The following NELL1 variants were observed in gnomAD, a reference collection of about 807,000 sequenced individuals.
The protein encoded by NELL1 is protein kinase C-binding protein NELL1.
In NELL1, 76 loss-of-function variants were observed where a neutral mutation model predicts 107.4. That is an observed-to-expected ratio of 0.71 (90% confidence interval 0.59 to 0.86). The LOEUF (loss-of-function observed/expected upper bound fraction) is 0.86, where lower values mean the gene tolerates loss of function less well. Ranked by LOEUF, NELL1 falls within the 40% of genes least tolerant of loss-of-function variation. The pLI is 0.00. For synonymous variants in NELL1, 353 were observed against 341.2 expected, an observed-to-expected ratio of 1.03 and a Z score of -0.38; for missense variants, 1,024 against 1,005.5, an observed-to-expected ratio of 1.02 and a Z score of -0.25.
chr11:20,802,513 C>A (rs868599407), intron 3 of NELL1, among the ~76,000 whole-genome samples: 1 of 151,548 alleles, frequency 6.6e-6, no homozygotes, highest in Non-Finnish European at 1.5e-5. Context: ...CATCTGTAAA[C>A]AAGGATAATT....
intron 13 of NELL1, among the ~76,000 whole-genome samples, chr11:21,151,658 A>T (rs1856120759): frequency 6.6e-6 from 1 of 152,214 alleles, no homozygotes; most frequent in African/African-American, 2.4e-5. Flanking sequence ...TAATGCATAT[A>T]AAATATCTTA....
rs779053403 is a variant in NELL1, at chr11:21,229,297, A to C, written c.1427-35A>C. On this transcript the variant is annotated intron_variant, in intron 13 of 19. Transcript: ENST00000357134. ...AATACCAGTAATTCCAACTTAAGAA[A>C]AAGTATTTCTCTTTTTCTCTCACCC... 5.6e-6 allele frequency: 9 copies of C among 1,612,018 alleles called. No homozygotes were observed. The South Asian group carries it at 8.8e-5, about 16-fold the overall frequency.
At chr11:21,403,619 AAAT>A (rs1217733360) in intron 15 of NELL1, among the ~76,000 whole-genome samples, 1 of 151,694 alleles carries the variant, frequency 6.6e-6, no homozygotes, top group Non-Finnish European at 1.5e-5. Context: ...AAAAAAAAAA[AAAT>A]GTGCCTTTAA....
At chr11:20,912,010 C>T (rs1850143173) in intron 5 of NELL1, among the ~76,000 whole-genome samples, 2 of 152,190 alleles carry the variant, frequency 1.3e-5, no homozygotes, top group African/African-American at 4.8e-5. Flanking sequence ...CATGCTGCCT[C>T]ATGGATTCAA....
At chr11:21,029,232 G>A (rs1378323867) in intron 12 of NELL1, among the ~76,000 whole-genome samples, 5 of 152,132 alleles carry the variant, frequency 3.3e-5, no homozygotes, top group Admixed American at 6.5e-5. Flanking sequence ...ACAGAAGTAT[G>A]GAGTTCTTCT....
intron 15 of NELL1, among the ~76,000 whole-genome samples, chr11:21,391,860 C>T (rs1362719082): frequency 2.0e-5 from 3 of 151,716 alleles, no homozygotes; most frequent in African/African-American, 7.2e-5. Flanking sequence ...TTTCAGAGTG[C>T]CACTTATGAA....
intron 13 of NELL1, among the ~76,000 whole-genome samples, chr11:21,139,125 A>G (rs904299161): frequency 1.3e-5 from 2 of 152,168 alleles, no homozygotes; most frequent in African/African-American, 2.4e-5. Context: ...GGTCCATCTT[A>G]CTTCTGCCAC....
chr11:21,140,992 T>A (rs1855853725), intron 13 of NELL1, among the ~76,000 whole-genome samples: 1 of 152,182 alleles, frequency 6.6e-6, no homozygotes, highest in African/African-American at 2.4e-5. Flanking sequence ...TTATAGACCC[T>A]GCAAAGTAGT....
chr11:21,146,422 G>T (rs1855979877), intron 13 of NELL1, among the ~76,000 whole-genome samples: 1 of 152,180 alleles, frequency 6.6e-6, no homozygotes, highest in African/African-American at 2.4e-5. Context: ...CCAGAGGCCA[G>T]AGAGAGCCGG....
intron 15 of NELL1, among the ~76,000 whole-genome samples, chr11:21,385,951 T>C (rs902205624): frequency 6.6e-6 from 1 of 151,914 alleles, no homozygotes; most frequent in Non-Finnish European, 1.5e-5. Flanking sequence ...CCCCATCTTT[T>C]CCTATTTTCT....
intron 14 of NELL1, among the ~76,000 whole-genome samples, chr11:21,241,370 A>C (rs1001140450): frequency 7.2e-5 from 11 of 152,150 alleles, no homozygotes; most frequent in Non-Finnish European, 1.6e-4. Flanking sequence ...TTTGCCTTAA[A>C]TAGAGCCAAA....
intron 14 of NELL1, among the ~76,000 whole-genome samples, chr11:21,296,184 G>A (rs1849371476): frequency 6.6e-6 from 1 of 151,596 alleles, no homozygotes; most frequent in Non-Finnish European, 1.5e-5. Context: ...CATAATACCG[G>A]GTATTATCCC....
At chr11:20,797,392 G>C (rs188201754) in intron 3 of NELL1, among the ~76,000 whole-genome samples, 1 of 151,866 alleles carries the variant, frequency 6.6e-6, no homozygotes, top group Non-Finnish European at 1.5e-5. Context: ...GTGAAATCCA[G>C]TCTCTACTAA....
At chr11:21,299,523 G>A (rs995312935) in intron 14 of NELL1, among the ~76,000 whole-genome samples, 3 of 74,468 alleles carry the variant, frequency 4.0e-5, no homozygotes, top group African/African-American at 6.7e-5. Context: ...GTGTGTGTGT[G>A]TGTGTGTGTG....
chr11:20,871,282 C>G (rs1849191317), intron 4 of NELL1, among the ~76,000 whole-genome samples: 1 of 152,126 alleles, frequency 6.6e-6, no homozygotes, highest in Admixed American at 6.5e-5. Flanking sequence ...GGCCCAAAGC[C>G]AGGCAAAGAG....
chr11:20,981,976 CTCTCTT>C (rs1851760271), intron 12 of NELL1, among the ~76,000 whole-genome samples: 2 of 151,974 alleles, frequency 1.3e-5, no homozygotes, highest in East Asian at 1.9e-4. Context: ...CTCTCTCTCT[CTCTCTT>C]TCTCTCTCTT....
At chr11:21,450,604 T>C (rs1853553321) in intron 15 of NELL1, among the ~76,000 whole-genome samples, 1 of 152,160 alleles carries the variant, frequency 6.6e-6, no homozygotes, top group South Asian at 2.1e-4. Flanking sequence ...ATAGAAAATA[T>C]ACTGTTGCAC....
intron 15 of NELL1, among the ~76,000 whole-genome samples, chr11:21,396,348 C>CA (rs1420812141): frequency 1.3e-5 from 2 of 151,292 alleles, no homozygotes; most frequent in African/African-American, 2.4e-5. Context: ...AAACTCGTGG[C>CA]AAAAAATATA....
intron 15 of NELL1, among the ~76,000 whole-genome samples, chr11:21,373,144 C>T (rs571514919): frequency 3.2e-4 from 49 of 152,158 alleles, no homozygotes; most frequent in Admixed American, 2.4e-3. Context: ...GTAGCAAAGT[C>T]ATTCCACTTA....
Sources: allele counts gnomAD v4.1 joint callset (sites outside exome capture counted in the v4.1 genomes callset), GRCh38; gene constraint gnomAD v4.1.1; transcripts MANE v1.5; gene names NCBI Gene and HGNC (gene_info 2026-07-23, HGNC 2026-07-21).